Variants in SNTG1 observed in about 807,000 individuals in gnomAD.
SNTG1 encodes the protein gamma-1-syntrophin.
In SNTG1, 39 loss-of-function variants were observed where a neutral mutation model predicts 74.7. The observed-to-expected ratio is 0.52, with a 90% confidence interval of 0.40 to 0.68. SNTG1 has a LOEUF of 0.68. Among genes scored for constraint, SNTG1 ranks in the 30% least tolerant of loss-of-function variants. SNTG1 has a pLI of 0.00. For missense variants in SNTG1, 685 were observed against 609.5 expected, an observed-to-expected ratio of 1.12 and a Z score of -1.30; for synonymous variants, 254 against 217.1, an observed-to-expected ratio of 1.17 and a Z score of -1.49.
intron 13 of SNTG1, among the ~76,000 whole-genome samples, chr8:50,613,697 A>G (rs1265351662): frequency 6.6e-6 from 1 of 152,082 alleles, no homozygotes; most frequent in Non-Finnish European, 1.5e-5. Flanking sequence ...TTTTGTGCTG[A>G]GTATCAGATT....
At chr8:50,034,363 T>G (rs1817976333) in intron 1 of SNTG1, among the ~76,000 whole-genome samples, 1 of 152,234 alleles carries the variant, frequency 6.6e-6, no homozygotes, top group Non-Finnish European at 1.5e-5. Context: ...ACTTGTTAAC[T>G]GGTGTAGTTA....
intron 2 of SNTG1, among the ~76,000 whole-genome samples, chr8:50,352,032 A>C (rs1181941054): frequency 6.6e-6 from 1 of 152,202 alleles, no homozygotes; most frequent in Non-Finnish European, 1.5e-5. Context: ...TTGAATATTA[A>C]AAAGATGGCA....
chr8:50,779,344 G>A (rs1282338671), intron 18 of SNTG1, among the ~76,000 whole-genome samples: 2 of 152,172 alleles, frequency 1.3e-5, no homozygotes, highest in South Asian at 2.1e-4. Flanking sequence ...AGGGTGGAAT[G>A]TTCTTCCATT....
chr8:50,400,817 G>C (rs1402006541), intron 3 of SNTG1, among the ~76,000 whole-genome samples: 1 of 152,058 alleles, frequency 6.6e-6, no homozygotes, highest in Non-Finnish European at 1.5e-5. Context: ...GGTCAGAATC[G>C]GGAGATGTTG....
intron 1 of SNTG1, among the ~76,000 whole-genome samples, chr8:50,021,492 G>GT (rs1816808413): frequency 6.6e-6 from 1 of 152,124 alleles, no homozygotes. Context: ...TCTCCCATGA[G>GT]TTAATTAAGC....
chr8:50,788,323 C>G (rs2095681659), intron 18 of SNTG1, among the ~76,000 whole-genome samples: 1 of 152,042 alleles, frequency 6.6e-6, no homozygotes. Flanking sequence ...GTAATTTTCT[C>G]CAGCAGTTTC....
chr8:50,264,457 C>A (rs139623691), intron 2 of SNTG1, among the ~76,000 whole-genome samples: 183 of 151,858 alleles, frequency 1.2e-3, no homozygotes, highest in Non-Finnish European at 2.3e-3. Context: ...GTACTCCCAG[C>A]TACTCAGGGG....
intron 13 of SNTG1, among the ~76,000 whole-genome samples, chr8:50,645,892 A>AG (rs995555761): frequency 6.6e-6 from 1 of 151,650 alleles, no homozygotes. Flanking sequence ...GGAAATGCTG[A>AG]GGGGGAAAGT....
At chr8:50,711,263 TC>T (rs1225344520) in intron 17 of SNTG1, among the ~76,000 whole-genome samples, 9 of 152,214 alleles carry the variant, frequency 5.9e-5, no homozygotes, top group African/African-American at 1.9e-4. Context: ...ATCTATTTTT[TC>T]TAAGTAATAT....
At position 50,734,724 on chromosome 8, in the gene SNTG1, T is replaced by TATATCTATATATATGGACATGTATATAG. The variant is rs781033705; in HGVS notation, c.1285-17256_1285-17229dup. Among the ~76,000 whole-genome samples, 7 of 130,798 alleles carry TATATCTATATATATGGACATGTATATAG rather than the reference T, an allele frequency of 5.4e-5. 1 individual carries two copies. Among genetic ancestry groups the TATATCTATATATATGGACATGTATATAG allele is most frequent in the African/African-American group, 2.0e-4 (6 of 30,048 alleles). The allele number at this position is 130,798 out of a possible 152,430, so 85.8% of individuals were successfully genotyped here. On this transcript the variant is annotated intron_variant, in intron 17 of 18. Transcript: ENST00000642720. Reference sequence around the variant, plus strand: ...TATATCTCTCTATATATGGACATTATATATCTATATATATGGACATGTATA... The same window carrying TATATCTATATATATGGACATGTATATAG: ...TATATCTCTCTATATATGGACATTATATATCTATATATATGGACATGTATATAGATATCTATATATATGGACATGTATA...
intron 2 of SNTG1, among the ~76,000 whole-genome samples, chr8:50,354,428 C>T (rs1013767619): frequency 1.3e-5 from 2 of 151,996 alleles, no homozygotes; most frequent in African/African-American, 4.8e-5. Context: ...AGATTTTAGG[C>T]CTTTTTTGGT....
intron 1 of SNTG1, among the ~76,000 whole-genome samples, chr8:50,063,590 T>C (rs1195621169): frequency 6.6e-6 from 1 of 152,246 alleles, no homozygotes; most frequent in East Asian, 1.9e-4. Flanking sequence ...TCTCTTCTTT[T>C]GTCCCTACAT....
At chr8:50,330,933 G>A (rs192991086) in intron 2 of SNTG1, among the ~76,000 whole-genome samples, 105 of 152,286 alleles carry the variant, frequency 6.9e-4, no homozygotes, top group Admixed American at 2.3e-3. Flanking sequence ...AACAATTCGA[G>A]ATAAGATTTG....
intron 1 of SNTG1, among the ~76,000 whole-genome samples, chr8:50,148,220 T>G (rs1174642665): frequency 1.3e-5 from 2 of 152,076 alleles, no homozygotes; most frequent in Non-Finnish European, 2.9e-5. Flanking sequence ...TAAAAATGAT[T>G]ATGAATATAA....
intron 1 of SNTG1, among the ~76,000 whole-genome samples, chr8:50,091,626 T>A (rs992111705): frequency 6.6e-6 from 1 of 152,136 alleles, no homozygotes; most frequent in Non-Finnish European, 1.5e-5. Context: ...TTCTTATTTT[T>A]AAAATTTGAA....
intron 15 of SNTG1, among the ~76,000 whole-genome samples, chr8:50,692,038 C>T (rs1267871461): frequency 6.6e-6 from 1 of 152,126 alleles, no homozygotes; most frequent in African/African-American, 2.4e-5. Context: ...CAGTTGATCT[C>T]ATCAGCTACT....
At chr8:50,503,330 C>G (rs2093980021) in intron 9 of SNTG1, among the ~76,000 whole-genome samples, 1 of 152,074 alleles carries the variant, frequency 6.6e-6, no homozygotes, top group South Asian at 2.1e-4. Context: ...AGTTATTTGT[C>G]AATTTTATTT....
chr8:50,660,220 GAAGAA>G (rs909446623), intron 15 of SNTG1, among the ~76,000 whole-genome samples: 6 of 140,686 alleles, frequency 4.3e-5, no homozygotes, highest in African/African-American at 1.7e-4. Flanking sequence ...GAAAAGAAAA[GAAGAA>G]AAGAAAAGGA....
At chr8:50,543,420 A>G (rs1184826045) in intron 11 of SNTG1, among the ~76,000 whole-genome samples, 5 of 151,630 alleles carry the variant, frequency 3.3e-5, no homozygotes, top group African/African-American at 1.2e-4. Flanking sequence ...ATTCTGCTCC[A>G]TTGGTCTATG....
Sources: allele counts gnomAD v4.1 joint callset (sites outside exome capture counted in the v4.1 genomes callset), GRCh38; gene constraint gnomAD v4.1.1; transcripts MANE v1.5; gene names NCBI Gene and HGNC (gene_info 2026-07-23, HGNC 2026-07-21).